Variants in MYH9 observed in about 807,000 individuals in gnomAD.
MYH9 encodes myosin-9.
In MYH9, 29 loss-of-function variants were observed where a neutral mutation model predicts 241.9. The observed-to-expected ratio is 0.12, with a 90% confidence interval of 0.09 to 0.16. The LOEUF is 0.16. MYH9 is among the 10% of genes least tolerant of loss of function. MYH9 has a pLI of 1.00. For synonymous variants in MYH9, 1,047 were observed against 1,062.6 expected (o/e 0.99, Z 0.29); for missense variants, 1,803 against 2,595.5 (o/e 0.69, Z 6.63).
At chr22:36,319,497 AG>A in intron 10 of MYH9, 42 bp downstream of exon 10, 1 of 1,587,136 alleles carries the variant, frequency 6.3e-7, no homozygotes, top group South Asian at 1.1e-5. Flanking sequence ...TCCATGGCCA[AG>A]CACCTGCCCC....
chr22:36,333,080 A>G (rs1161756288), intron 3 of MYH9, among the ~76,000 whole-genome samples: 1 of 152,224 alleles, frequency 6.6e-6, no homozygotes, highest in African/African-American at 2.4e-5. Context: ...AACAGGGAAT[A>G]AGAGGGAAGG....
chr22:36,385,056 T>C (rs532456812), intron 1 of MYH9, among the ~76,000 whole-genome samples: 2 of 152,274 alleles, frequency 1.3e-5, no homozygotes, highest in East Asian at 1.9e-4. Flanking sequence ...TGCTGTTTTA[T>C]GCTCAGTAAA....
chr22:36,291,287 G>A (rs953416407), intron 31 of MYH9, among the ~76,000 whole-genome samples: 3 of 152,254 alleles, frequency 2.0e-5, no homozygotes, highest in African/African-American at 7.2e-5. Flanking sequence ...TGCCGTGTCT[G>A]TGTAGAAAGA....
In MYH9 at chr22:36,282,537, C is replaced by T. The variant is rs982939924; in HGVS notation, c.*131G>A. ...CCTGGAGGGAAACGGGATGGGGGGA[C>T]GGGGCGGAGGGCAGGAGGAGGCATG... On this transcript the variant is annotated 3_prime_UTR_variant, in exon 41 of 41. Coordinates refer to ENST00000216181, the MANE Select transcript of MYH9 (RefSeq NM_002473.6). 23 of 880,602 alleles carry T rather than the reference C, an allele frequency of 2.6e-5. No individual in the cohort carries two copies. The highest frequency in any genetic ancestry group is 3.8e-5 in the Non-Finnish European group (20 of 524,480). The allele number at this position is 880,602 out of a possible 1,614,324, so 54.5% of individuals were successfully genotyped here.
intron 12 of MYH9, 67 bp downstream of exon 12, chr22:36,316,450 T>C: frequency 6.2e-7 from 1 of 1,611,302 alleles, no homozygotes; most frequent in Non-Finnish European, 8.5e-7. Flanking sequence ...GCAGGGTTCT[T>C]AACCAAGGAT....
chr22:36,294,322 G>GT lies in MYH9; in HGVS notation c.3631-25dup, dbSNP rs768067455. ...ACCTAGCAGGGAAGAAAGCAAAGAC[G>GT]TGAGTGGGGGCCTCCTGACACAAGG... is the stretch of plus-strand genomic sequence containing the variant. On this transcript the variant is annotated intron_variant, in intron 27 of 40. Coordinates refer to ENST00000216181, the MANE Select transcript of MYH9 (RefSeq NM_002473.6). 5 of 1,609,772 alleles carry GT rather than the reference G, an allele frequency of 3.1e-6. No homozygotes were observed. The South Asian group carries it at 5.5e-5, about 18-fold the overall frequency.
At position 36,293,547 on chromosome 22, in the gene MYH9, AC is replaced by A; in HGVS notation, c.3943-67del. ...GGTGTCCAAAACCCAGGAACCCCACACCCTTGAGGAGAGGGAGGAGCTGGTC... is the reference window on the plus strand; with the variant it reads ...GGTGTCCAAAACCCAGGAACCCCACACCTTGAGGAGAGGGAGGAGCTGGTC... On this transcript the variant is annotated intron_variant, in intron 29 of 40. Coordinates refer to ENST00000216181, the MANE Select transcript of MYH9 (RefSeq NM_002473.6). This position sits in a 1 kb window ranked among gnomAD's most constrained non-coding sequence, Gnocchi z 5.1. 3.1e-6 allele frequency: 5 copies of A among 1,592,178 alleles called. No individual in the cohort carries two copies. Among genetic ancestry groups the A allele is most frequent in the Non-Finnish European group, 4.3e-6 (5 of 1,168,084 alleles).
chr22:36,299,688 T>C lies in MYH9; in HGVS notation c.2976+439A>G, dbSNP rs568840825. ...CCTCTAACTGGTTCCCCGGCTGCTA[T>C]CTGCTCCCTGGGCAGACACCGACAG... On this transcript the variant is annotated intron_variant, in intron 23 of 40. Coordinates refer to ENST00000216181, the MANE Select transcript of MYH9 (RefSeq NM_002473.6). Among the ~76,000 whole-genome samples, 48 of 152,296 alleles carry C rather than the reference T, an allele frequency of 3.2e-4. No individual in the cohort carries two copies. In the South Asian group the frequency reaches 7.5e-3, roughly 24 times the overall value.
At chr22:36,344,839 G>A (rs1180303639) in intron 2 of MYH9, among the ~76,000 whole-genome samples, 2 of 152,226 alleles carry the variant, frequency 1.3e-5, no homozygotes, top group African/African-American at 4.8e-5. Flanking sequence ...GGCAGGCTCA[G>A]GTGCTCCACT....
rs748163536 is a variant in MYH9, at chr22:36,320,200, T to C, written c.1012+20A>G. 91 of 1,613,776 alleles carry C rather than the reference T, an allele frequency of 5.6e-5. No individual in the cohort carries two copies. In the Admixed American group the frequency reaches 1.4e-3, roughly 24 times the overall value. ...CCTTCCTCTGCCCCACACTCGACCA[T>C]AGGAGGGCCAGCCCTGTACCCATTT... On this transcript the variant is annotated intron_variant, in intron 9 of 40. Transcript: ENST00000216181. This position sits in a 1 kb window ranked among gnomAD's most constrained non-coding sequence, Gnocchi z 4.8.
intron 2 of MYH9, among the ~76,000 whole-genome samples, chr22:36,343,595 C>T (rs1236987525): frequency 6.7e-6 from 1 of 150,374 alleles, no homozygotes; most frequent in Non-Finnish European, 1.5e-5. Context: ...AATGGACAAG[C>T]GTGTTTGGCT....
At chr22:36,366,649 C>T (rs2018015852) in intron 1 of MYH9, among the ~76,000 whole-genome samples, 1 of 152,184 alleles carries the variant, frequency 6.6e-6, no homozygotes, top group Non-Finnish European at 1.5e-5. Flanking sequence ...AAGAGGAGCC[C>T]ACCTTCCTCA....
chr22:36,360,939 C>T (rs1425029881), intron 1 of MYH9, among the ~76,000 whole-genome samples: 1 of 152,172 alleles, frequency 6.6e-6, no homozygotes, highest in African/African-American at 2.4e-5. Flanking sequence ...TGCAAAATGT[C>T]CTATCTGCTC....
intron 40 of MYH9, among the ~76,000 whole-genome samples, chr22:36,283,277 T>C (rs1367616465): frequency 6.6e-6 from 1 of 152,080 alleles, no homozygotes; most frequent in South Asian, 2.1e-4. Flanking sequence ...TGGCTCATCC[T>C]TGTAATCTCA....
At position 36,358,311 on chromosome 22, in the gene MYH9, C is replaced by T. The variant is rs558919608; in HGVS notation, c.-19-9056G>A. The stretch of plus-strand genomic sequence containing the variant: ...AACTCCTGAGCTCAGGCAATCCGCC[C>T]GCCTTGGCCTCCCAAAGTGCTGGGA... On this transcript the variant is annotated intron_variant, in intron 1 of 40. Coordinates refer to ENST00000216181, the MANE Select transcript of MYH9 (RefSeq NM_002473.6). Among the ~76,000 whole-genome samples, 5 of 152,270 alleles carry T rather than the reference C, an allele frequency of 3.3e-5. No homozygotes were observed. The East Asian group carries it at 9.7e-4, about 29-fold the overall frequency.
rs151223333 is a variant in MYH9, at chr22:36,369,437, C to T, written c.-20+18370G>A. Among the ~76,000 whole-genome samples, 695 of 152,318 alleles carry T rather than the reference C, an allele frequency of 4.6e-3. 8 individuals are homozygous for T. Among genetic ancestry groups the T allele is most frequent in the African/African-American group, 0.016 (664 of 41,574 alleles). ...CAGTGGGCGGCAGGCCGGCTCTGGG[C>T]AGAAGGCGGGCTGAGAACAGCATGC... On this transcript the variant is annotated intron_variant, in intron 1 of 40. Coordinates refer to ENST00000216181, the MANE Select transcript of MYH9 (RefSeq NM_002473.6).
At position 36,285,176 on chromosome 22, in the gene MYH9, T is replaced by C. The variant is rs779350077; in HGVS notation, c.5428A>G (p.Thr1810Ala). ...TVKSKYKASI[T>A]ALEAKIAQLE... ...TGTGCAATCTTGGCCTCGAGGGCGG[T>C]GATGGAGGCCTTGTACTTGGACTTG... The change falls in exon 38 of 41, where the codon ACC (threonine) becomes GCC (alanine). Residue 1810 changes from threonine (T) to alanine (A), a missense_variant. By Grantham distance (58) the Thr-to-Ala change is moderately conservative (BLOSUM62 0). Coordinates refer to ENST00000216181, the MANE Select transcript of MYH9 (RefSeq NM_002473.6). This position sits in a 1 kb window ranked among gnomAD's most constrained non-coding sequence, Gnocchi z 7.0. The C allele has an allele frequency of 6.2e-6, 10 of 1,613,986 alleles. No homozygotes were observed. The highest frequency in any genetic ancestry group is 4.4e-5 in the South Asian group (4 of 91,086).
rs747144646 is a variant in MYH9, at chr22:36,306,602, G to A, written c.1849C>T (p.Arg617Cys). 1.2e-5 allele frequency: 19 copies of A among 1,612,318 alleles called. No homozygotes were observed. In the South Asian group the frequency reaches 1.6e-4, roughly 14 times the overall value. The part of the protein sequence containing the change: ...FVSELWKDVD[R>C]IIGLDQVAGM... ...GCCACCTGGTCCAGGCCGATGATGC[G>A]GTCCACTGTGGAGACCACAGAGAAC... The change falls in exon 16 of 41, where the codon CGC becomes TGC. Residue 617 changes from arginine (R) to cysteine (C), a missense_variant. By Grantham distance (180) the Arg-to-Cys change is radical. Transcript: ENST00000216181. This position sits in a 1 kb window ranked among gnomAD's most constrained non-coding sequence, Gnocchi z 4.1.
At chr22:36,360,259 T>G (rs1225676171) in intron 1 of MYH9, among the ~76,000 whole-genome samples, 1 of 152,054 alleles carries the variant, frequency 6.6e-6, no homozygotes, top group Non-Finnish European at 1.5e-5. Flanking sequence ...GTTATATCCA[T>G]CCATAGAGGA....
Sources: allele counts gnomAD v4.1 joint callset (sites outside exome capture counted in the v4.1 genomes callset), GRCh38; gene constraint gnomAD v4.1.1; non-coding constraint Gnocchi (gnomAD v3.1); transcripts MANE v1.5; gene names NCBI Gene and HGNC (gene_info 2026-07-23, HGNC 2026-07-21).